Variants in ADGB observed in about 807,000 individuals in gnomAD.
ADGB encodes androglobin.
Under a neutral mutation model 210.5 loss-of-function variants are expected in ADGB, and 172 were observed. The observed-to-expected ratio is 0.82, with a 90% CI of 0.72 to 0.93. ADGB has a LOEUF of 0.93. Ranked by LOEUF, ADGB falls within the 40% of genes least tolerant of loss-of-function variation. The probability of loss-of-function intolerance (pLI) is 0.00; values close to 1 mark genes in which losing one functional copy is unlikely to be tolerated. For missense variants in ADGB, 2,025 were observed against 1,964.8 expected (o/e 1.03, Z -0.58); for synonymous variants, 658 against 662.7 (o/e 0.99, Z 0.11).
intron 3 of ADGB, among the ~76,000 whole-genome samples, chr6:146,646,446 C>T (rs1244855263): frequency 5.3e-5 from 8 of 151,976 alleles, no homozygotes; most frequent in South Asian, 2.1e-4. Flanking sequence ...TATAAGAGCC[C>T]CAAACTAAAG....
At chr6:146,628,581 A>G (rs1034850181) in intron 1 of ADGB, among the ~76,000 whole-genome samples, 4 of 151,648 alleles carry the variant, frequency 2.6e-5, no homozygotes, top group African/African-American at 9.7e-5. Flanking sequence ...CCTGCATTAT[A>G]CTATAAGCTT....
intron 13 of ADGB, among the ~76,000 whole-genome samples, chr6:146,706,912 C>T (rs1776581512): frequency 7.7e-6 from 1 of 129,988 alleles, no homozygotes; most frequent in African/African-American, 3.1e-5. Flanking sequence ...CTTTCTTCTA[C>T]TAATTTTGGG....
chr6:146,651,814 GA>G (rs1775707180), intron 3 of ADGB, among the ~76,000 whole-genome samples: 2 of 152,064 alleles, frequency 1.3e-5, no homozygotes, highest in African/African-American at 4.8e-5. Flanking sequence ...GGAAAGGAGG[GA>G]AACTAAGTTT....
intron 29 of ADGB, among the ~76,000 whole-genome samples, chr6:146,779,829 C>A (rs1777773447): frequency 6.8e-6 from 1 of 148,024 alleles, no homozygotes. Flanking sequence ...ACAAACTTGC[C>A]CTACAAAAGT....
At chr6:146,625,200 G>C (rs1780954871) in intron 1 of ADGB, among the ~76,000 whole-genome samples, 1 of 152,036 alleles carries the variant, frequency 6.6e-6, no homozygotes, top group African/African-American at 2.4e-5. Flanking sequence ...AAATATGCCT[G>C]TTGATTGTTG....
chr6:146,614,207 CCCTTCCTTCCTCCCTTCCTTCCTTCCTT>C (rs1490391545), intron 1 of ADGB, among the ~76,000 whole-genome samples: 3 of 132,578 alleles, frequency 2.3e-5, no homozygotes, highest in Non-Finnish European at 4.8e-5. Flanking sequence ...CTCCCTTCCT[CCCTTCCTTCCTCCCTTCCTTCCTTCCTT>C]CCTTCCTTCC....
intron 12 of ADGB, among the ~76,000 whole-genome samples, chr6:146,695,138 C>T (rs1583593846): frequency 6.6e-6 from 1 of 152,152 alleles, no homozygotes; most frequent in Admixed American, 6.6e-5. Context: ...ATGACCCTAA[C>T]ATTCAATGAC....
In ADGB at chr6:146,665,611, C is replaced by A. The variant is rs964298365; in HGVS notation, c.753-1205C>A. ...CTGGATAATTGGAGTGGTATTTTAT[C>A]TTTCTTAAAGCTGTAGTTCAGTAGA... On this transcript the variant is annotated intron_variant, in intron 6 of 35. Coordinates refer to ENST00000397944, the MANE Select transcript of ADGB (RefSeq NM_024694.4). Among the ~76,000 whole-genome samples, 6 of 152,018 alleles carry A rather than the reference C, an allele frequency of 3.9e-5. No individual in the cohort carries two copies. In the East Asian group the frequency reaches 1.2e-3, roughly 29 times the overall value.
Position 146,691,429 on chromosome 6 carries a change from T to TAA in ADGB, c.1486+140_1486+141insAA, listed in dbSNP as rs1562275489. The TAA allele has an allele frequency of 6.1e-4, 18 of 29,400 alleles. 2 individuals are homozygous for TAA. Among genetic ancestry groups the TAA allele is most frequent in the African/African-American group, 3.9e-3 (17 of 4,370 alleles). 1.8% of individuals were successfully genotyped at this position (29,400 alleles called of 1,614,324 possible). A position where few individuals can be genotyped will look rare whatever the true frequency, so the allele number is the denominator to read the frequency against. Reference sequence around the variant, plus strand: ...TATGTTTAATATATATATATATATATATATATATATATAAAAATATATATA... The same window carrying TAA: ...TATGTTTAATATATATATATATATATAAATATATATATATAAAAATATATATA... On this transcript the variant is annotated intron_variant, in intron 11 of 35. Coordinates refer to ENST00000397944, the MANE Select transcript of ADGB (RefSeq NM_024694.4).
intron 1 of ADGB, among the ~76,000 whole-genome samples, chr6:146,605,752 C>G (rs2114824420): frequency 6.6e-6 from 1 of 152,190 alleles, no homozygotes; most frequent in East Asian, 1.9e-4. Flanking sequence ...AAAAACGTAG[C>G]AAAATTCCAT....
rs770559457 is a variant in ADGB, at chr6:146,691,225, C to G, written c.1421C>G (p.Pro474Arg). Residue 474 changes from proline to arginine, a missense_variant, in exon 11 of 36, where the codon CCT (proline) becomes CGT (arginine). By Grantham distance (103) the Pro-to-Arg change is moderately radical. Transcript: ENST00000397944. Reference protein sequence around the residue: ...SCPLVAPPKPPPLPPWKLIRQ... With the variant: ...SCPLVAPPKPRPLPPWKLIRQ... The stretch of plus-strand genomic sequence containing the variant: ...CCTCTGGTAGCACCACCAAAACCAC[C>G]TCCTCTACCTCCCTGGAAACTCATT... 6 of 1,548,668 alleles carry G rather than the reference C, an allele frequency of 3.9e-6. No individual in the cohort carries two copies. In the East Asian group the frequency reaches 1.5e-4, roughly 38 times the overall value.
rs35756296 is a variant in ADGB at position 146,799,535 on chromosome 6, G to GA, written c.4538-1630dup. On this transcript the variant is annotated intron_variant, in intron 33 of 35. Coordinates refer to ENST00000397944, the MANE Select transcript of ADGB (RefSeq NM_024694.4). ...GCAACAGAGCAAGACTCTGGGGGGA[G>GA]AAAAAAAAAAAAAAAAAAGGAAGGA... is the stretch of plus-strand genomic sequence containing the variant. 1.3e-3 allele frequency among the ~76,000 whole-genome samples: 122 copies of GA among 93,484 alleles called. 1 individual carries two copies. Among genetic ancestry groups the GA allele is most frequent in the South Asian group, 3.2e-3 (7 of 2,192 alleles). 61.3% of individuals were successfully genotyped at this position (93,484 alleles called of 152,430 possible).
chr6:146,757,958 A>T (rs1777433268), intron 27 of ADGB, among the ~76,000 whole-genome samples: 1 of 152,096 alleles, frequency 6.6e-6, no homozygotes, highest in Non-Finnish European at 1.5e-5. Context: ...TTAGGGCACA[A>T]GTGCAGTGTT....
Position 146,726,120 on chromosome 6 carries a change from G to A in ADGB, c.2275G>A (p.Gly759Arg). Residue 759 changes from glycine to arginine, a missense_variant, in exon 19 of 36, where the codon GGA (glycine) becomes AGA (arginine). Gly to Arg is a moderately radical substitution (Grantham distance 125). Coordinates refer to ENST00000397944, the MANE Select transcript of ADGB (RefSeq NM_024694.4). ...ACTCTTCAACGCATACTCCCCAGTA[G>A]GACACTCCATACACATCTGCAGCAT... ...MLLFNAYSPVGHSIHICSMVS... is the reference protein window; with the variant it reads ...MLLFNAYSPVRHSIHICSMVS... The A allele has an allele frequency of 1.3e-6, 2 of 1,548,724 alleles. No individual in the cohort carries two copies. The highest frequency in any genetic ancestry group is 1.7e-4 in the Middle Eastern group (1 of 5,986).
chr6:146,736,432 T>G, intron 22 of ADGB, 66 bp from the exon 23 acceptor site: 1 of 1,057,036 alleles, frequency 9.5e-7, no homozygotes, highest in Non-Finnish European at 1.3e-6. Flanking sequence ...AAATGAAGGC[T>G]TTGGACAAGA....
chr6:146,712,161 G>T (rs1562280640), intron 13 of ADGB, among the ~76,000 whole-genome samples: 1 of 149,912 alleles, frequency 6.7e-6, no homozygotes, highest in Non-Finnish European at 1.5e-5. Context: ...CATTATCATT[G>T]GCCTTGGTAT....
chr6:146,691,500 A>ATATAT (rs1257984997), intron 11 of ADGB, among the ~76,000 whole-genome samples: 1 of 13,640 alleles, frequency 7.3e-5, no homozygotes, highest in African/African-American at 6.7e-4. Flanking sequence ...ATATATATAT[A>ATATAT]TTTTTTTTTT....
At chr6:146,795,009 TG>T (rs35558653) in intron 33 of ADGB, among the ~76,000 whole-genome samples, 74,595 of 151,942 alleles carry the variant, frequency 0.49, 19,364 homozygotes, top group Admixed American at 0.61. Flanking sequence ...GAGAAAACAT[TG>T]TATGACCCCT....
intron 26 of ADGB, among the ~76,000 whole-genome samples, chr6:146,750,102 G>A (rs753243562): frequency 4.0e-4 from 61 of 152,180 alleles, no homozygotes; most frequent in Non-Finnish European, 8.7e-4. Context: ...CTCAGGTGCT[G>A]AGCTGGGAAG....
Sources: gnomAD v4.1 joint callset for allele counts (sites outside exome capture counted in the v4.1 genomes callset) on GRCh38, gnomAD v4.1.1 for gene constraint, MANE v1.5 for transcripts, NCBI Gene and HGNC (gene_info 2026-07-23, HGNC 2026-07-21) for gene names.